The following DLG2 variants were observed in gnomAD, a reference collection of about 807,000 sequenced individuals.
The protein encoded by DLG2 is disks large homolog 2.
In DLG2, 45 loss-of-function variants were observed where a neutral mutation model predicts 132.5. The observed-to-expected ratio is 0.34, with a 90% CI of 0.27 to 0.44. DLG2 has a LOEUF of 0.44. Among genes scored for constraint, DLG2 ranks in the 20% least tolerant of loss-of-function variants. The pLI is 1.00. For missense variants in DLG2, 1,045 were observed against 1,196.9 expected (o/e 0.87, Z 1.87); for synonymous variants, 424 against 419.6 (o/e 1.01, Z -0.13).
intron 3 of DLG2, among the ~76,000 whole-genome samples, chr11:85,390,890 C>T (rs1490510215): frequency 1.3e-5 from 2 of 151,866 alleles, no homozygotes; most frequent in Non-Finnish European, 2.9e-5. Flanking sequence ...ACTAGAGAAA[C>T]AAGAACAAAT....
chr11:85,061,002 T>C (rs1207148516), intron 6 of DLG2, among the ~76,000 whole-genome samples: 1 of 151,824 alleles, frequency 6.6e-6, no homozygotes, highest in East Asian at 1.9e-4. Context: ...ATGTTGAGCA[T>C]CTTTTCATAT....
intron 6 of DLG2, among the ~76,000 whole-genome samples, chr11:84,623,383 T>C (rs2099617136): frequency 6.6e-6 from 1 of 152,190 alleles, no homozygotes; most frequent in Admixed American, 6.5e-5. Flanking sequence ...CCATGAAACC[T>C]TCCCAGACCT....
At chr11:84,903,702 G>A (rs982266185) in intron 6 of DLG2, among the ~76,000 whole-genome samples, 1 of 152,098 alleles carries the variant, frequency 6.6e-6, no homozygotes, top group Non-Finnish European at 1.5e-5. Flanking sequence ...GGATAGTTGT[G>A]CAGTTCTTTC....
intron 6 of DLG2, among the ~76,000 whole-genome samples, chr11:84,564,036 G>C (rs540646965): frequency 6.6e-6 from 1 of 152,210 alleles, no homozygotes; most frequent in African/African-American, 2.4e-5. Flanking sequence ...AGTCTCACTC[G>C]CTTATATTCT....
At chr11:84,460,322 A>G (rs988532998) in intron 7 of DLG2, among the ~76,000 whole-genome samples, 3 of 150,412 alleles carry the variant, frequency 2.0e-5, no homozygotes, top group Non-Finnish European at 1.5e-5. Flanking sequence ...TTTTGTTCTT[A>G]TCATTTTTGA....
At chr11:85,151,441 G>T (rs72961550) in intron 5 of DLG2, among the ~76,000 whole-genome samples, 7,870 of 149,038 alleles carry the variant, frequency 0.053, 304 homozygotes, top group African/African-American at 0.099. Context: ...AGAAATTGTT[G>T]CCAAATCCAA....
At chr11:83,850,123 AGTGTGTGTGT>A (rs544279195) in intron 16 of DLG2, among the ~76,000 whole-genome samples, 27 of 39,116 alleles carry the variant, frequency 6.9e-4, no homozygotes, top group African/African-American at 2.0e-3. Flanking sequence ...ATTTGGGGTA[AGTGTGTGTGT>A]GTGTGTGTGT....
chr11:84,386,772 C>A (rs1393043425), intron 7 of DLG2, among the ~76,000 whole-genome samples: 1 of 151,870 alleles, frequency 6.6e-6, no homozygotes, highest in African/African-American at 2.4e-5. Context: ...GATTTTTTTC[C>A]TTCACAAACC....
chr11:84,808,012 G>C (rs1372439267), intron 6 of DLG2, among the ~76,000 whole-genome samples: 1 of 152,050 alleles, frequency 6.6e-6, no homozygotes, highest in African/African-American at 2.4e-5. Context: ...GACATTTATA[G>C]AATTCTCCAT....
At chr11:85,361,336 TA>T (rs2084139445) in intron 3 of DLG2, among the ~76,000 whole-genome samples, 2 of 151,974 alleles carry the variant, frequency 1.3e-5, no homozygotes, top group African/African-American at 4.8e-5. Flanking sequence ...TTTATATACT[TA>T]GGGGGTACAA....
intron 6 of DLG2, among the ~76,000 whole-genome samples, chr11:84,683,208 G>C (rs572431514): frequency 6.6e-6 from 1 of 152,282 alleles, no homozygotes; most frequent in South Asian, 2.1e-4. Flanking sequence ...AGAAAGACAT[G>C]TTAAATAATC....
intron 3 of DLG2, among the ~76,000 whole-genome samples, chr11:85,388,594 C>G (rs576264252): frequency 6.6e-6 from 1 of 152,172 alleles, no homozygotes; most frequent in Non-Finnish European, 1.5e-5. Context: ...ACAGAGAACA[C>G]TTCACTCCCC....
intron 18 of DLG2, among the ~76,000 whole-genome samples, chr11:83,783,330 C>T (rs1317825348): frequency 6.6e-6 from 1 of 151,852 alleles, no homozygotes; most frequent in African/African-American, 2.4e-5. Flanking sequence ...GTGAAACTTG[C>T]CAAAGAAGAC....
In DLG2 at chr11:83,470,632, A is replaced by G. The variant is rs184670573; in HGVS notation, c.2446+994T>C. 5.3e-5 allele frequency among the ~76,000 whole-genome samples: 8 copies of G among 152,280 alleles called. No individual in the cohort carries two copies. The East Asian group carries it at 1.5e-3, about 29-fold the overall frequency. On this transcript the variant is annotated intron_variant, in intron 24 of 27. Transcript: ENST00000376104. ...TTCATTTGCTCCTTCCTGTCTGAAG[A>G]CTTTCTCAGGATATGTTCTATGGCA...
intron 7 of DLG2, among the ~76,000 whole-genome samples, chr11:84,392,696 A>G (rs1320533088): frequency 1.3e-5 from 2 of 152,184 alleles, no homozygotes; most frequent in African/African-American, 4.8e-5. Context: ...CATTTTACAG[A>G]GAAGAAAATA....
At chr11:84,926,185 T>C (rs1356174176) in intron 6 of DLG2, among the ~76,000 whole-genome samples, 1 of 152,022 alleles carries the variant, frequency 6.6e-6, no homozygotes, top group Non-Finnish European at 1.5e-5. Flanking sequence ...CTCAACCTCA[T>C]ATTTAAGAAA....
At chr11:84,599,685 G>A (rs2099571206) in intron 6 of DLG2, among the ~76,000 whole-genome samples, 1 of 152,060 alleles carries the variant, frequency 6.6e-6, no homozygotes, top group Non-Finnish European at 1.5e-5. Context: ...GTATAAAGTG[G>A]TACTCTGAGG....
intron 2 of DLG2, among the ~76,000 whole-genome samples, chr11:85,618,293 T>A (rs529958863): frequency 6.6e-6 from 1 of 152,264 alleles, no homozygotes; most frequent in South Asian, 2.1e-4. Flanking sequence ...CTCTCCCTTA[T>A]ACTAAAAAAT....
At chr11:84,490,564 A>T (rs776839912) in intron 7 of DLG2, among the ~76,000 whole-genome samples, 4 of 151,642 alleles carry the variant, frequency 2.6e-5, no homozygotes, top group Admixed American at 6.6e-5. Context: ...GGTCCCTGGA[A>T]ATAGGCTATT....
Sources: gnomAD v4.1 joint callset for allele counts (sites outside exome capture counted in the v4.1 genomes callset) on GRCh38, gnomAD v4.1.1 for gene constraint, MANE v1.5 for transcripts, NCBI Gene and HGNC (gene_info 2026-07-23, HGNC 2026-07-21) for gene names.